The following OOEP variants were observed in gnomAD, a reference collection of about 807,000 sequenced individuals.
OOEP encodes oocyte-expressed protein homolog.
OOEP carries 16 observed loss-of-function variants against 13.7 expected under a neutral mutation model. That is an observed-to-expected ratio of 1.16 (90% confidence interval 0.79 to 1.77). The LOEUF is 1.77. OOEP is among the 40% of genes most tolerant of loss of function. The probability of loss-of-function intolerance (pLI) is 0.00; values close to 1 mark genes in which losing one functional copy is unlikely to be tolerated. For synonymous variants in OOEP, 89 were observed against 77.1 expected (o/e 1.15, Z -0.81); for missense variants, 195 against 193.1 (o/e 1.01, Z -0.06).
In OOEP at chr6:73,368,737, A is replaced by T; in HGVS notation, c.*47T>A. ...ATACTTGCTTTTCTTCAACTTTAGC[A>T]GCAAAAGTTAGAAAGTTAAGATGTT... On this transcript the variant is annotated 3_prime_UTR_variant, in exon 3 of 3. Transcript: ENST00000370359. 3 of 1,293,616 alleles carry T rather than the reference A, an allele frequency of 2.3e-6. No individual in the cohort carries two copies. Among genetic ancestry groups the T allele is most frequent in the Non-Finnish European group, 2.2e-6 (2 of 889,002 alleles). The allele number at this position is 1,293,616 out of a possible 1,614,324, so 80.1% of individuals were successfully genotyped here.
At chr6:73,377,742 A>G (rs541162418) in intron 2 of OOEP, among the ~76,000 whole-genome samples, 11 of 152,310 alleles carry the variant, frequency 7.2e-5, no homozygotes, top group African/African-American at 2.6e-4. Flanking sequence ...ATCACAGCTC[A>G]CTGTAGCCTC....
chr6:73,369,679 G>C lies in OOEP; in HGVS notation c.114C>G (p.Pro38=). Residue 38 remains proline (P), a synonymous_variant, in exon 1 of 3, where the codon CCC becomes CCG. Transcript: ENST00000370359. ...PLPPPQIRIR[P]WWFPVQELRD... ...TCAGTTCCTGCACCGGAAACCACCA[G>C]GGCCGGATGCGAATCTGTGGCGGCG... The C allele has an allele frequency of 6.2e-7, 1 of 1,614,018 alleles. No homozygotes were observed. Among genetic ancestry groups the C allele is most frequent in the Admixed American group, 1.7e-5 (1 of 60,032 alleles).
In OOEP at chr6:73,384,737, AC is replaced by A. The variant is rs779636889; in HGVS notation, c.25+9608del. 1.3e-4 allele frequency among the ~76,000 whole-genome samples: 19 copies of A among 146,300 alleles called. No individual in the cohort carries two copies. The East Asian group carries it at 2.8e-3, about 21-fold the overall frequency. On this transcript the variant is annotated intron_variant, in intron 2 of 3. Coordinates refer to the OOEP transcript ENST00000370363. ...CCAGCATAGGCAACAAGACAAACAA[AC>A]CTTTTTTTTTTTTTTTGAGATGGAG...
At chr6:73,376,050 T>A (rs1239391405) in intron 2 of OOEP, among the ~76,000 whole-genome samples, 1 of 152,042 alleles carries the variant, frequency 6.6e-6, no homozygotes, top group African/African-American at 2.4e-5. Flanking sequence ...TCCAAAAGTG[T>A]TGTGATTACA....
chr6:73,375,138 T>TA (rs538119401), intron 2 of OOEP, among the ~76,000 whole-genome samples: 1 of 152,176 alleles, frequency 6.6e-6, no homozygotes, highest in African/African-American at 2.4e-5. Flanking sequence ...ACTCTTCTTT[T>TA]AAAAAACAGA....
chr6:73,387,796 A>C (rs1380690919), intron 2 of OOEP: 1 of 152,108 alleles, frequency 6.6e-6, no homozygotes, highest in Non-Finnish European at 1.5e-5. Context: ...GAGGGTAAAA[A>C]CAGACCCTTC....
At chr6:73,381,008 A>G (rs1382388832) in intron 2 of OOEP, among the ~76,000 whole-genome samples, 1 of 151,784 alleles carries the variant, frequency 6.6e-6, no homozygotes, top group Non-Finnish European at 1.5e-5. Context: ...TAATAAAAAA[A>G]TTTAGCTAGG....
At chr6:73,376,579 TCTC>T (rs1769143081) in intron 2 of OOEP, among the ~76,000 whole-genome samples, 1 of 152,022 alleles carries the variant, frequency 6.6e-6, no homozygotes, top group Non-Finnish European at 1.5e-5. Context: ...TTCAAGCAAT[TCTC>T]CTGCCTCAGC....
intron 2 of OOEP, among the ~76,000 whole-genome samples, chr6:73,392,876 C>T (rs1370149176): frequency 2.6e-5 from 4 of 151,634 alleles, no homozygotes; most frequent in Non-Finnish European, 4.4e-5. Context: ...GTGATCCAGC[C>T]GCCTCTGCCT....
chr6:73,381,974 CTG>C (rs1191267317), intron 2 of OOEP, among the ~76,000 whole-genome samples: 1 of 152,100 alleles, frequency 6.6e-6, no homozygotes. Context: ...CAGTGAGACT[CTG>C]TCTCAAAAAC....
At chr6:73,370,196 G>C (rs1769029294), upstream of OOEP, 3 of 183,392 alleles carry the variant, frequency 1.6e-5, no homozygotes, top group South Asian at 3.8e-4. Context: ...CTAGGTTAAG[G>C]TTTCATCGTT....
intron 2 of OOEP, among the ~76,000 whole-genome samples, chr6:73,385,198 T>A (rs545628056): frequency 5.9e-5 from 9 of 151,768 alleles, no homozygotes; most frequent in Middle Eastern, 3.4e-3. Context: ...TACAAAAAAA[T>A]TAGCCGGGTG....
At chr6:73,385,302 C>T (rs778787547) in intron 2 of OOEP, among the ~76,000 whole-genome samples, 3 of 151,368 alleles carry the variant, frequency 2.0e-5, no homozygotes, top group South Asian at 2.1e-4. Context: ...GCCAAGATTG[C>T]GCCACTGCAC....
exon 1 of OOEP, chr6:73,394,880 C>G (rs766140355): frequency 6.2e-7 from 1 of 1,611,290 alleles, no homozygotes; most frequent in East Asian, 2.2e-5. Context: ...ACGGCAACGA[C>G]GTCGGACGCG....
upstream of OOEP, among the ~76,000 whole-genome samples, chr6:73,371,376 G>T (rs143795956): frequency 1.3e-5 from 2 of 152,122 alleles, no homozygotes; most frequent in East Asian, 3.9e-4. Context: ...GCCAAGGCAG[G>T]AGGATCACTT....
At chr6:73,386,214 C>A (rs1452825623) in intron 2 of OOEP, among the ~76,000 whole-genome samples, 1 of 151,930 alleles carries the variant, frequency 6.6e-6, no homozygotes, top group South Asian at 2.1e-4. Flanking sequence ...CCTGCCCCAG[C>A]GGCCTGAGTA....
At chr6:73,387,480 C>G (rs1397151866) in intron 2 of OOEP, among the ~76,000 whole-genome samples, 1 of 152,102 alleles carries the variant, frequency 6.6e-6, no homozygotes, top group African/African-American at 2.4e-5. Context: ...CACCACTGCA[C>G]TCCAGCCTGA....
chr6:73,394,923 A>G (rs770071600), exon 1 of OOEP: 5 of 1,614,044 alleles, frequency 3.1e-6, no homozygotes, highest in Non-Finnish European at 4.2e-6. Flanking sequence ...ACCACGGAGG[A>G]GCTCCCAAGG....
At chr6:73,369,435 A>G in intron 1 of OOEP, 50 bp from the exon 2 acceptor site, 1 of 1,572,032 alleles carries the variant, frequency 6.4e-7, no homozygotes, top group Non-Finnish European at 8.7e-7. Context: ...GCAGGTTAGA[A>G]GCTGGATTTG....
Sources: allele counts gnomAD v4.1 joint callset (sites outside exome capture counted in the v4.1 genomes callset), GRCh38; gene constraint gnomAD v4.1.1; transcripts MANE v1.5; gene names NCBI Gene and HGNC (gene_info 2026-07-23, HGNC 2026-07-21).